The following KCTD16 variants were observed in gnomAD, a reference collection of about 807,000 sequenced individuals.
KCTD16 encodes BTB/POZ domain-containing protein KCTD16.
A neutral mutation model predicts 33.2 loss-of-function variants in KCTD16; 13 were observed. That is an observed-to-expected ratio of 0.39 (90% CI 0.25 to 0.62). The LOEUF is 0.62. Among genes scored for constraint, KCTD16 ranks in the 20% least tolerant of loss-of-function variants. The pLI, the probability that KCTD16 is intolerant of heterozygous loss-of-function variation, is 0.50. For synonymous variants in KCTD16, 197 were observed against 195.3 expected (o/e 1.01, Z -0.07); for missense variants, 441 against 525.1 (o/e 0.84, Z 1.57).
At chr5:144,243,308 T>C (rs1754453864) in intron 3 of KCTD16, among the ~76,000 whole-genome samples, 2 of 152,242 alleles carry the variant, frequency 1.3e-5, no homozygotes, top group African/African-American at 4.8e-5. Context: ...TTTTTCATAC[T>C]GTACTCTTTC....
intron 3 of KCTD16, among the ~76,000 whole-genome samples, chr5:144,224,756 T>A (rs1293746573): frequency 6.6e-6 from 1 of 152,210 alleles, no homozygotes; most frequent in Non-Finnish European, 1.5e-5. Context: ...TGCTATGGTA[T>A]ATATTTACAT....
chr5:144,223,157 C>T (rs1047689508), intron 3 of KCTD16, among the ~76,000 whole-genome samples: 6 of 151,710 alleles, frequency 4.0e-5, no homozygotes, highest in South Asian at 2.1e-4. Flanking sequence ...GTCGGGGGAG[C>T]GGGGAGGGAT....
chr5:144,181,926 T>C lies in KCTD16; in HGVS notation c.-327+7454T>C, dbSNP rs539353230. ...CTGGCCAAGATGACAAAACCCCATC[T>C]CTACTAAAAATACAGAAATTAGCCA... On this transcript the variant is annotated intron_variant, in intron 2 of 3. Coordinates refer to ENST00000512467, the MANE Select transcript of KCTD16 (RefSeq NM_020768.4). Among the ~76,000 whole-genome samples, 1,321 of 152,172 alleles carry C rather than the reference T, an allele frequency of 8.7e-3. 5 individuals carry two copies. Among genetic ancestry groups the C allele is most frequent in the Non-Finnish European group, 0.013 (899 of 68,006 alleles).
At chr5:144,230,595 GT>G (rs375204677) in intron 3 of KCTD16, among the ~76,000 whole-genome samples, 3,340 of 147,802 alleles carry the variant, frequency 0.023, 93 homozygotes, top group African/African-American at 0.07. Context: ...AATAGGAAAA[GT>G]TTTTTTTTTT....
At chr5:144,381,522 A>G (rs1389086439) in intron 3 of KCTD16, among the ~76,000 whole-genome samples, 1 of 152,126 alleles carries the variant, frequency 6.6e-6, no homozygotes, top group Non-Finnish European at 1.5e-5. Context: ...AGGCCTCAGG[A>G]AGTTTACAAT....
At chr5:144,280,917 T>C (rs1181810275) in intron 3 of KCTD16, among the ~76,000 whole-genome samples, 2 of 140,566 alleles carry the variant, frequency 1.4e-5, no homozygotes, top group Admixed American at 1.5e-4. Flanking sequence ...TAGCCGGGCG[T>C]GGTGGTGGGA....
At chr5:144,246,157 A>G (rs1026549399) in intron 3 of KCTD16, among the ~76,000 whole-genome samples, 2 of 152,184 alleles carry the variant, frequency 1.3e-5, no homozygotes, top group African/African-American at 4.8e-5. Context: ...ATCAAGCTTC[A>G]TATTAGTCAG....
intron 3 of KCTD16, among the ~76,000 whole-genome samples, chr5:144,328,988 A>G (rs984167829): frequency 6.6e-6 from 1 of 152,118 alleles, no homozygotes; most frequent in African/African-American, 2.4e-5. Flanking sequence ...AATGAACTAT[A>G]AATATGATCA....
At chr5:144,467,057 A>ATATATTATATATAATATATATAACAC (rs1325781881) in intron 3 of KCTD16, among the ~76,000 whole-genome samples, 12 of 58,864 alleles carry the variant, frequency 2.0e-4, no homozygotes, top group African/African-American at 6.1e-4. Flanking sequence ...ATATAACACT[A>ATATATTATATATAATATATATAACAC]TATGTATTAT....
chr5:144,353,481 A>G (rs549291198), intron 3 of KCTD16, among the ~76,000 whole-genome samples: 12 of 152,296 alleles, frequency 7.9e-5, no homozygotes, highest in African/African-American at 2.4e-4. Flanking sequence ...TTCAAGCCTC[A>G]TTATCTTTAC....
intron 3 of KCTD16, among the ~76,000 whole-genome samples, chr5:144,288,324 A>G (rs1268598478): frequency 6.6e-6 from 1 of 152,182 alleles, no homozygotes; most frequent in Non-Finnish European, 1.5e-5. Flanking sequence ...AATAGGGATG[A>G]TGCTAACAGC....
intron 3 of KCTD16, among the ~76,000 whole-genome samples, chr5:144,281,235 T>C (rs571068383): frequency 1.3e-5 from 2 of 152,238 alleles, no homozygotes; most frequent in Non-Finnish European, 2.9e-5. Flanking sequence ...TACTAATTAG[T>C]TTAAGTTCCA....
intron 3 of KCTD16, among the ~76,000 whole-genome samples, chr5:144,290,283 G>A (rs993432986): frequency 1.3e-5 from 2 of 152,090 alleles, no homozygotes; most frequent in African/African-American, 4.8e-5. Context: ...GGGCAAGAGA[G>A]CAAGACCCTA....
chr5:144,346,026 G>A (rs943520841), intron 3 of KCTD16, among the ~76,000 whole-genome samples: 2 of 147,610 alleles, frequency 1.4e-5, no homozygotes, highest in Non-Finnish European at 3.0e-5. Context: ...CCTAGCCTCT[G>A]GAAACTATTC....
At chr5:144,407,201 GTTTTTTTT>G (rs60786617) in intron 3 of KCTD16, among the ~76,000 whole-genome samples, 1 of 142,474 alleles carries the variant, frequency 7.0e-6, no homozygotes, top group South Asian at 2.2e-4. Context: ...AAAAATTCCT[GTTTTTTTT>G]TTTTTTTTAA....
rs138336969 is a variant in KCTD16 at position 144,297,646 on chromosome 5, C to T, written c.832+90100C>T. Among the ~76,000 whole-genome samples, 1,027 of 152,218 alleles carry T rather than the reference C, an allele frequency of 6.7e-3. 5 individuals carry two copies. The highest frequency in any genetic ancestry group is 0.011 in the Non-Finnish European group (748 of 67,990). ...CCCTAAGCCTAGCTGGGAAGGTGAT[C>T]GCATCCACCTTTCAACATGGGGCTT... On this transcript the variant is annotated intron_variant, in intron 3 of 3. Coordinates refer to ENST00000512467, the MANE Select transcript of KCTD16 (RefSeq NM_020768.4).
chr5:144,230,775 A>G (rs954203808), intron 3 of KCTD16, among the ~76,000 whole-genome samples: 6 of 152,234 alleles, frequency 3.9e-5, no homozygotes, highest in African/African-American at 1.4e-4. Flanking sequence ...AAGAGAAAGT[A>G]CTTAATTCTG....
chr5:144,415,108 C>G (rs1234572983), intron 3 of KCTD16, among the ~76,000 whole-genome samples: 1 of 152,176 alleles, frequency 6.6e-6, no homozygotes, highest in African/African-American at 2.4e-5. Flanking sequence ...GGCCTTCTTG[C>G]TGTGCCCTAC....
intron 3 of KCTD16, among the ~76,000 whole-genome samples, chr5:144,419,496 G>C (rs540815818): frequency 6.6e-6 from 1 of 152,244 alleles, no homozygotes; most frequent in East Asian, 1.9e-4. Flanking sequence ...TGTTTAATGT[G>C]AATGGGATGG....
Sources: allele counts gnomAD v4.1 joint callset (sites outside exome capture counted in the v4.1 genomes callset), GRCh38; gene constraint gnomAD v4.1.1; transcripts MANE v1.5; gene names NCBI Gene and HGNC (gene_info 2026-07-23, HGNC 2026-07-21).